The following GAS2 variants were observed in gnomAD, a reference collection of about 807,000 sequenced individuals.
GAS2 encodes the protein growth arrest-specific protein 2.
A neutral mutation model predicts 37.5 loss-of-function variants in GAS2; 20 were observed. That is an observed-to-expected ratio of 0.53 (90% CI 0.37 to 0.77). The LOEUF (loss-of-function observed/expected upper bound fraction) is 0.77, where lower values mean the gene tolerates loss of function less well. Among genes scored for constraint, GAS2 ranks in the 30% least tolerant of loss-of-function variants. GAS2 has a pLI of 0.00. For missense variants in GAS2, 336 were observed against 373.4 expected, an observed-to-expected ratio of 0.90 and a Z score of 0.82; for synonymous variants, 144 against 132.2, an observed-to-expected ratio of 1.09 and a Z score of -0.61.
At chr11:22,644,516 AT>A (rs1442241958) in intron 1 of GAS2, among the ~76,000 whole-genome samples, 24 of 152,328 alleles carry the variant, frequency 1.6e-4, no homozygotes, top group African/African-American at 5.3e-4. Context: ...TATAGCTTAC[AT>A]TTCTGTTCCC....
At position 22,769,448 on chromosome 11, in the gene GAS2, G is replaced by A. The variant is rs563506134; in HGVS notation, c.723+13495G>A. On this transcript the variant is annotated intron_variant, in intron 7 of 7. Coordinates refer to ENST00000454584, the MANE Select transcript of GAS2 (RefSeq NM_001143830.3). ...AATGTTAATTGACATCTTGGCACCA[G>A]TGACATGAACAGGCTTTTCCCTCAT... is the stretch of plus-strand genomic sequence containing the variant. Among the ~76,000 whole-genome samples the A allele has an allele frequency of 2.0e-5, 3 of 152,322 alleles. No individual in the cohort carries two copies. The East Asian group carries it at 5.8e-4, about 29-fold the overall frequency.
At chr11:22,799,864 A>C (rs1856583610) in intron 7 of GAS2, among the ~76,000 whole-genome samples, 1 of 152,104 alleles carries the variant, frequency 6.6e-6, no homozygotes. Flanking sequence ...CTAGGCACCC[A>C]GGGTATGAAA....
intron 6 of GAS2, among the ~76,000 whole-genome samples, chr11:22,751,968 C>T (rs552718971): frequency 6.6e-6 from 1 of 152,032 alleles, no homozygotes; most frequent in Admixed American, 6.6e-5. Context: ...TTAAAGTTTA[C>T]CAGAATTTAG....
At chr11:22,668,243 C>T (rs751718462) in intron 1 of GAS2, 8 of 152,402 alleles carry the variant, frequency 5.2e-5, no homozygotes, top group Non-Finnish European at 1.0e-4. Flanking sequence ...TGAACTCCTT[C>T]TCAAGGAATG....
intron 1 of GAS2, among the ~76,000 whole-genome samples, chr11:22,659,878 GAGGAAGGAAGGA>G (rs528185216): frequency 1.1e-5 from 1 of 93,932 alleles, no homozygotes; most frequent in Non-Finnish European, 1.9e-5. Flanking sequence ...AAAATGGAGG[GAGGAAGGAAGGA>G]AGGGAGGGAG....
At chr11:22,759,055 A>G (rs372051014) in intron 7 of GAS2, among the ~76,000 whole-genome samples, 29 of 152,284 alleles carry the variant, frequency 1.9e-4, no homozygotes, top group Admixed American at 6.5e-4. Context: ...TGTTGACCAC[A>G]CCTAATCACT....
intron 7 of GAS2, among the ~76,000 whole-genome samples, chr11:22,799,851 G>A (rs993312012): frequency 6.6e-6 from 1 of 152,062 alleles, no homozygotes; most frequent in Non-Finnish European, 1.5e-5. Context: ...GCCCGGCACT[G>A]TGCTAGGCAC....
At chr11:22,770,354 A>T (rs1854914557) in intron 7 of GAS2, among the ~76,000 whole-genome samples, 1 of 152,232 alleles carries the variant, frequency 6.6e-6, no homozygotes, top group Non-Finnish European at 1.5e-5. Context: ...TAGGGCCATT[A>T]CTTTCATAAT....
intron 7 of GAS2, among the ~76,000 whole-genome samples, chr11:22,792,902 A>T (rs985748663): frequency 6.6e-6 from 1 of 152,236 alleles, no homozygotes; most frequent in Admixed American, 6.5e-5. Context: ...GTAAAGGAAG[A>T]CTTTGGAATT....
intron 7 of GAS2, among the ~76,000 whole-genome samples, chr11:22,802,616 A>C (rs1177707590): frequency 1.3e-5 from 2 of 152,074 alleles, no homozygotes; most frequent in African/African-American, 4.8e-5. Flanking sequence ...AAATGATGAC[A>C]GCCATAATAA....
chr11:22,798,540 G>A (rs1007985902), intron 7 of GAS2, among the ~76,000 whole-genome samples: 24 of 151,862 alleles, frequency 1.6e-4, no homozygotes, highest in African/African-American at 5.6e-4. Flanking sequence ...ATAAGCTAAA[G>A]GACTATTGGG....
At chr11:22,723,803 A>T (rs1429408667) in intron 3 of GAS2, among the ~76,000 whole-genome samples, 1 of 151,858 alleles carries the variant, frequency 6.6e-6, no homozygotes, top group Non-Finnish European at 1.5e-5. Context: ...CATGTCATAA[A>T]AAAGTTTTAC....
At chr11:22,808,099 A>G (rs1328074209) in intron 7 of GAS2, among the ~76,000 whole-genome samples, 2 of 152,200 alleles carry the variant, frequency 1.3e-5, no homozygotes, top group Non-Finnish European at 1.5e-5. Context: ...AATCTCATGA[A>G]AAACCTAGAT....
At chr11:22,750,462 G>A (rs1241347168) in intron 6 of GAS2, among the ~76,000 whole-genome samples, 1 of 151,998 alleles carries the variant, frequency 6.6e-6, no homozygotes, top group Admixed American at 6.6e-5. Flanking sequence ...AGCTCTTAAA[G>A]GTATCTTAGC....
intron 4 of GAS2, among the ~76,000 whole-genome samples, chr11:22,737,077 T>C (rs1253905537): frequency 1.3e-5 from 2 of 152,218 alleles, no homozygotes; most frequent in African/African-American, 2.4e-5. Context: ...CAAAACTTGC[T>C]AATGGTGCAT....
intron 1 of GAS2, among the ~76,000 whole-genome samples, chr11:22,628,006 T>TTTATTA (rs1858687414): frequency 6.6e-6 from 1 of 152,194 alleles, no homozygotes; most frequent in African/African-American, 2.4e-5. Context: ...GCAGATTAAC[T>TTTATTA]TTAGCTTCAT....
chr11:22,758,913 C>CAAAA lies in GAS2; in HGVS notation c.723+2971_723+2974dup, dbSNP rs66871964. Among the ~76,000 whole-genome samples, 6 of 73,308 alleles carry CAAAA rather than the reference C, an allele frequency of 8.2e-5. 1 individual carries two copies. Among genetic ancestry groups the CAAAA allele is most frequent in the East Asian group, 9.9e-4 (2 of 2,012 alleles). The allele number at this position is 73,308 out of a possible 152,430, so 48.1% of individuals were successfully genotyped here. ...GGACAACAAGAGCAAAACTCCGTCT[C>CAAAA]AAAAAAAAAAAAAAGAGAAAGTCAT... On this transcript the variant is annotated intron_variant, in intron 7 of 7. Coordinates refer to ENST00000454584, the MANE Select transcript of GAS2 (RefSeq NM_001143830.3).
chr11:22,657,639 G>A (rs1046061982), intron 1 of GAS2, among the ~76,000 whole-genome samples: 3 of 152,032 alleles, frequency 2.0e-5, no homozygotes, highest in African/African-American at 7.2e-5. Flanking sequence ...GAAAGTAATA[G>A]GGAAGAAAAA....
At chr11:22,774,276 G>T (rs555750217) in intron 7 of GAS2, among the ~76,000 whole-genome samples, 1 of 152,324 alleles carries the variant, frequency 6.6e-6, no homozygotes, top group East Asian at 1.9e-4. Flanking sequence ...TTACAGGCAT[G>T]AGCCACTGCG....
Sources: allele counts gnomAD v4.1 joint callset (sites outside exome capture counted in the v4.1 genomes callset), GRCh38; gene constraint gnomAD v4.1.1; transcripts MANE v1.5; gene names NCBI Gene and HGNC (gene_info 2026-07-23, HGNC 2026-07-21).